Variants in SPOCK1 observed in about 807,000 individuals in gnomAD.
SPOCK1 encodes the protein SPARC (osteonectin), cwcv and kazal like domains proteoglycan 1.
A neutral mutation model predicts 55.3 loss-of-function variants in SPOCK1; 23 were observed. The observed-to-expected ratio is 0.42, with a 90% CI of 0.30 to 0.59. The LOEUF (loss-of-function observed/expected upper bound fraction) is 0.59, where lower values mean the gene tolerates loss of function less well. Among genes scored for constraint, SPOCK1 ranks in the 20% least tolerant of loss-of-function variants. The pLI is 0.22. For synonymous variants in SPOCK1, 226 were observed against 221.0 expected, an observed-to-expected ratio of 1.02 and a Z score of -0.20; for missense variants, 499 against 552.5, an observed-to-expected ratio of 0.90 and a Z score of 0.97.
chr5:137,369,951 A>G (rs900261577), intron 2 of SPOCK1, among the ~76,000 whole-genome samples: 2 of 152,158 alleles, frequency 1.3e-5, no homozygotes, highest in African/African-American at 4.8e-5. Context: ...ACTTCGGAGG[A>G]ACACAATTCT....
At chr5:137,134,242 G>C (rs1053165165) in intron 4 of SPOCK1, among the ~76,000 whole-genome samples, 1 of 152,240 alleles carries the variant, frequency 6.6e-6, no homozygotes, top group Admixed American at 6.5e-5. Flanking sequence ...CTCCTGCAAA[G>C]TGTGCCTAAC....
chr5:137,252,670 T>A (rs1756558595), intron 3 of SPOCK1, among the ~76,000 whole-genome samples: 1 of 152,236 alleles, frequency 6.6e-6, no homozygotes, highest in South Asian at 2.1e-4. Flanking sequence ...CCTCTTCATC[T>A]GAGAGTGGTA....
At chr5:137,071,289 C>T (rs1352292179) in intron 5 of SPOCK1, among the ~76,000 whole-genome samples, 1 of 152,132 alleles carries the variant, frequency 6.6e-6, no homozygotes, top group Non-Finnish European at 1.5e-5. Context: ...CCATCATATC[C>T]AGCCATAATT....
chr5:137,462,455 G>C (rs1284623158), intron 2 of SPOCK1, among the ~76,000 whole-genome samples: 2 of 152,214 alleles, frequency 1.3e-5, no homozygotes, highest in Non-Finnish European at 2.9e-5. Flanking sequence ...GCAAGCCACA[G>C]ACACTGGGCA....
intron 5 of SPOCK1, among the ~76,000 whole-genome samples, chr5:137,095,872 T>C (rs555001791): frequency 6.6e-6 from 1 of 151,750 alleles, no homozygotes; most frequent in African/African-American, 2.4e-5. Flanking sequence ...CTACAAAACA[T>C]GCAATCAAGA....
chr5:137,399,520 T>TA (rs111976413), intron 2 of SPOCK1, among the ~76,000 whole-genome samples: 73 of 144,972 alleles, frequency 5.0e-4, no homozygotes, highest in South Asian at 2.0e-3. Flanking sequence ...CTTTAAGTAT[T>TA]AAAAAAAAAA....
At chr5:137,374,915 C>A (rs879172818) in intron 2 of SPOCK1, among the ~76,000 whole-genome samples, 1 of 152,122 alleles carries the variant, frequency 6.6e-6, no homozygotes, top group Admixed American at 6.5e-5. Context: ...AACCAACAAG[C>A]TAAACTGCTT....
At chr5:136,994,840 T>C (rs1751012066) in intron 6 of SPOCK1, among the ~76,000 whole-genome samples, 1 of 151,934 alleles carries the variant, frequency 6.6e-6, no homozygotes, top group African/African-American at 2.4e-5. Context: ...AACTTGTCTC[T>C]GCTCAAAATA....
rs147845128 is a variant in SPOCK1 at position 137,450,291 on chromosome 5, C to A, written c.186+48082G>T. On this transcript the variant is annotated intron_variant, in intron 2 of 10. Transcript: ENST00000394945. ...CACCTTTGGTAATGATAGGTGTTAA[C>A]CCACTGGGATAGAGTGGGTTCAGTT... Among the ~76,000 whole-genome samples, 142 of 152,308 alleles carry A rather than the reference C, an allele frequency of 9.3e-4. 1 individual carries two copies. Among genetic ancestry groups the A allele is most frequent in the East Asian group, 6.7e-3 (35 of 5,194 alleles).
chr5:137,406,385 C>T (rs1253217090), intron 2 of SPOCK1, among the ~76,000 whole-genome samples: 2 of 152,172 alleles, frequency 1.3e-5, no homozygotes, highest in African/African-American at 4.8e-5. Flanking sequence ...GATGCATGCC[C>T]ACGACATTGA....
intron 5 of SPOCK1, among the ~76,000 whole-genome samples, chr5:137,104,918 A>T (rs1753335739): frequency 6.6e-6 from 1 of 152,222 alleles, no homozygotes; most frequent in African/African-American, 2.4e-5. Context: ...ATCATCCAAA[A>T]ACTATCCCTG....
intron 4 of SPOCK1, among the ~76,000 whole-genome samples, chr5:137,120,419 C>T (rs1753664892): frequency 6.6e-6 from 1 of 152,148 alleles, no homozygotes. Context: ...TCTGGTGTAC[C>T]CGAATGTTGA....
chr5:137,145,335 T>C (rs886695208), intron 3 of SPOCK1, among the ~76,000 whole-genome samples: 3 of 152,266 alleles, frequency 2.0e-5, no homozygotes, highest in Admixed American at 6.5e-5. Flanking sequence ...ATTATCTTAA[T>C]TGTTTCTGAA....
In SPOCK1 at chr5:137,369,070, A is replaced by G. The variant is rs1751140958; in HGVS notation, c.187-102015T>C. ...GGAAGCAGAGGTTTGGACTCCTACC[A>G]TGGTGGTGTCAGTTGAGCTGACAAG... On this transcript the variant is annotated intron_variant, in intron 2 of 10. Transcript: ENST00000394945. 5.3e-5 allele frequency among the ~76,000 whole-genome samples: 8 copies of G among 152,250 alleles called. No homozygotes were observed. The South Asian group carries it at 1.7e-3, about 32-fold the overall frequency.
At chr5:137,452,838 T>G (rs538731111) in intron 2 of SPOCK1, among the ~76,000 whole-genome samples, 35 of 152,290 alleles carry the variant, frequency 2.3e-4, no homozygotes, top group African/African-American at 8.2e-4. Flanking sequence ...ATGTAAATTC[T>G]CAAGAAATAT....
chr5:137,334,146 A>C (rs775449573), intron 2 of SPOCK1, among the ~76,000 whole-genome samples: 17 of 152,222 alleles, frequency 1.1e-4, no homozygotes, highest in Non-Finnish European at 2.4e-4. Context: ...CTGTCTTCAC[A>C]AGAGTACACA....
chr5:136,976,198 A>C lies in SPOCK1; in HGVS notation c.*2456T>G, dbSNP rs1750611825. ...TAAAAAAATCGAATGCTGTCATGTC[A>C]AAGTGAGGCATGAAAAGTATTATTA... On this transcript the variant is annotated 3_prime_UTR_variant, in exon 11 of 11. Coordinates refer to ENST00000394945, the MANE Select transcript of SPOCK1 (RefSeq NM_004598.4). 1 of 152,210 alleles carries C rather than the reference A, an allele frequency of 6.6e-6. No homozygotes were observed. The highest frequency in any genetic ancestry group is 2.4e-5 in the African/African-American group (1 of 41,452). The allele number at this position is 152,210 out of a possible 1,614,324, so 9.4% of individuals were successfully genotyped here. A position where few individuals can be genotyped will look rare whatever the true frequency, so the allele number is the denominator to read the frequency against.
chr5:137,228,596 T>C (rs1448170339), intron 3 of SPOCK1, among the ~76,000 whole-genome samples: 3 of 152,078 alleles, frequency 2.0e-5, no homozygotes, highest in Admixed American at 6.5e-5. Flanking sequence ...TGAGCAGAGA[T>C]TGGGCCACTG....
intron 2 of SPOCK1, among the ~76,000 whole-genome samples, chr5:137,374,987 C>T (rs1460619944): frequency 6.6e-6 from 1 of 152,102 alleles, no homozygotes; most frequent in Non-Finnish European, 1.5e-5. Flanking sequence ...CCAAGCCACT[C>T]TCCCCCATCT....
Sources: allele counts gnomAD v4.1 joint callset (sites outside exome capture counted in the v4.1 genomes callset), GRCh38; gene constraint gnomAD v4.1.1; transcripts MANE v1.5; gene names NCBI Gene and HGNC (gene_info 2026-07-23, HGNC 2026-07-21).